Variants in DIXDC1 observed in about 807,000 individuals in gnomAD.
The protein encoded by DIXDC1 is dixin.
DIXDC1 carries 64 observed loss-of-function variants against 103.1 expected under a neutral mutation model. The ratio of observed to expected loss-of-function variants is 0.62; its 90% CI spans 0.51 to 0.76. The LOEUF (loss-of-function observed/expected upper bound fraction) is 0.76, where lower values mean the gene tolerates loss of function less well. DIXDC1 is among the 30% of genes least tolerant of loss of function. DIXDC1 has a pLI of 0.00. For missense variants in DIXDC1, 759 were observed against 834.2 expected, an observed-to-expected ratio of 0.91 and a Z score of 1.11; for synonymous variants, 266 against 298.5, an observed-to-expected ratio of 0.89 and a Z score of 1.12.
intron 1 of DIXDC1, among the ~76,000 whole-genome samples, chr11:111,937,762 C>G (rs1386652427): frequency 6.6e-6 from 1 of 152,208 alleles, no homozygotes; most frequent in Non-Finnish European, 1.5e-5. Flanking sequence ...CACAGCTAAG[C>G]TGGGCCATGA....
At chr11:111,950,032 T>G (rs1192908093) in intron 1 of DIXDC1, among the ~76,000 whole-genome samples, 63 of 152,308 alleles carry the variant, frequency 4.1e-4, no homozygotes, top group African/African-American at 9.9e-4. Context: ...GACTCAAGAA[T>G]ATGTTGACTT....
intron 7 of DIXDC1, among the ~76,000 whole-genome samples, chr11:111,984,209 G>A (rs1860414361): frequency 6.6e-6 from 1 of 152,094 alleles, no homozygotes; most frequent in African/African-American, 2.4e-5. Flanking sequence ...TGTGTGTGCA[G>A]GGGGGCTTCT....
chr11:111,984,709 A>G lies in DIXDC1; in HGVS notation c.919-523A>G, dbSNP rs1029627306. Reference sequence around the variant, plus strand: ...GGGTCAGGAGCTGAAATGAATGAGGACATCTCTCTGCAAATGTGTTTTCCT... The same window carrying G: ...GGGTCAGGAGCTGAAATGAATGAGGGCATCTCTCTGCAAATGTGTTTTCCT... On this transcript the variant is annotated intron_variant, in intron 7 of 19. Coordinates refer to ENST00000440460, the MANE Select transcript of DIXDC1 (RefSeq NM_001037954.4). Among the ~76,000 whole-genome samples, 7 of 152,228 alleles carry G rather than the reference A, an allele frequency of 4.6e-5. No individual in the cohort carries two copies. In the East Asian group the frequency reaches 1.2e-3, roughly 25 times the overall value.
Position 111,937,539 on chromosome 11 carries a change from C to T in DIXDC1, c.40C>T (p.Leu14=), listed in dbSNP as rs1966252165. The change falls in exon 1 of 20, where the codon CTG becomes TTG. Residue 14 remains leucine (L), a synonymous_variant. Transcript: ENST00000440460. ...CLTRGNLLDV[L]QEGFNEQQLQ... ...GACCCGAGGGAACTTACTGGACGTC[C>T]TGCAGGAGGGCTTCAATGAGGTAAC... 1.9e-6 allele frequency: 3 copies of T among 1,595,506 alleles called. No homozygotes were observed. Among genetic ancestry groups the T allele is most frequent in the African/African-American group, 2.7e-5 (2 of 74,606 alleles).
In DIXDC1 at chr11:112,016,729, A is replaced by G. The variant is rs1235067032; in HGVS notation, c.1795A>G (p.Thr599Ala). The change falls in exon 18 of 20, where the codon ACC becomes GCC. Residue 599 changes from threonine (T) to alanine (A), a missense_variant. Thr to Ala is a moderately conservative substitution (Grantham distance 58). Around this residue, in one of 3 missense-constraint regions of DIXDC1, gnomAD observed 657 missense variants for 727.5 expected, o/e 0.90. Coordinates refer to ENST00000440460, the MANE Select transcript of DIXDC1 (RefSeq NM_001037954.4). ...HSQSSPTVSS[T>A]CTKVLYFTDR... ...ACAGAGCTCTCCAACTGTCAGCAGC[A>G]CCTGTACTAAAGTGCTCTATTTCAC... The G allele has an allele frequency of 5.6e-6, 9 of 1,608,528 alleles. No individual in the cohort carries two copies. The African/African-American group carries it at 1.1e-4, about 19-fold the overall frequency.
intron 1 of DIXDC1, among the ~76,000 whole-genome samples, chr11:111,928,986 G>C (rs57753115): frequency 0.043 from 6,554 of 152,134 alleles, 508 homozygotes; most frequent in African/African-American, 0.15. Flanking sequence ...GACCAGCCTG[G>C]CCAACATGGT....
At chr11:112,003,996 T>TA (rs1356714117) in intron 17 of DIXDC1, among the ~76,000 whole-genome samples, 11 of 132,398 alleles carry the variant, frequency 8.3e-5, no homozygotes, top group Non-Finnish European at 1.1e-4. Flanking sequence ...CTGGGCAACA[T>TA]AAAAAAACCC....
chr11:111,936,027 G>A (rs1966176996), upstream of DIXDC1, among the ~76,000 whole-genome samples: 1 of 152,188 alleles, frequency 6.6e-6, no homozygotes. Flanking sequence ...GACCTGAAGA[G>A]GTCATTAGGT....
At chr11:111,928,367 A>AT in intron 1 of DIXDC1, 1 of 150,482 alleles carries the variant, frequency 6.6e-6, no homozygotes, top group South Asian at 2.1e-4. Flanking sequence ...CTGGCCAACA[A>AT]TGCGAAACCC....
Position 112,018,984 on chromosome 11 carries a change from G to A in DIXDC1, c.2000G>A (p.Gly667Glu), listed in dbSNP as rs995210362. The change falls in exon 20 of 20, where the codon GGA becomes GAA. Residue 667 changes from glycine (G) to glutamate (E), a missense_variant. Coordinates refer to ENST00000440460, the MANE Select transcript of DIXDC1 (RefSeq NM_001037954.4). ...TTCCATGATGATGATGCCATCCCTG[G>A]ATGGGAAGGGAAAATTGTAGCTTGG... is the stretch of plus-strand genomic sequence containing the variant. ...EIFHDDDAIPGWEGKIVAWVE... is the reference protein window; with the variant it reads ...EIFHDDDAIPEWEGKIVAWVE... 1.2e-6 allele frequency: 2 copies of A among 1,613,656 alleles called. No individual in the cohort carries two copies. The highest frequency in any genetic ancestry group is 1.7e-6 in the Non-Finnish European group (2 of 1,179,682).
intron 17 of DIXDC1, among the ~76,000 whole-genome samples, chr11:112,000,960 G>C (rs1555175930): frequency 6.6e-6 from 1 of 152,074 alleles, no homozygotes; most frequent in African/African-American, 2.4e-5. Context: ...TGACCCAAAA[G>C]AATTGAAAAC....
Position 111,977,045 on chromosome 11 carries a change from C to G in DIXDC1, c.656+2062C>G, listed in dbSNP as rs1860121121. ...GTGCGGGGCTCCCCAGCACTCAGACCACTAGAGCCCTCCTCGTGATTCTGC... is the reference window on the plus strand; with the variant it reads ...GTGCGGGGCTCCCCAGCACTCAGACGACTAGAGCCCTCCTCGTGATTCTGC... On this transcript the variant is annotated intron_variant, in intron 5 of 19. Transcript: ENST00000440460. The surrounding 1 kb of genome is among the most constrained non-coding windows in gnomAD (Gnocchi z 6.1). 6.3e-6 allele frequency: 1 copy of G among 159,556 alleles called. No individual in the cohort carries two copies. The highest frequency in any genetic ancestry group is 6.5e-5 in the Admixed American group (1 of 15,292). 9.9% of individuals were successfully genotyped at this position (159,556 alleles called of 1,614,324 possible). A position where few individuals can be genotyped will look rare whatever the true frequency, so the allele number is the denominator to read the frequency against.
chr11:111,993,515 A>G lies in DIXDC1; in HGVS notation c.1292A>G (p.Asp431Gly). 6.2e-7 allele frequency: 1 copy of G among 1,613,958 alleles called. No individual in the cohort carries two copies. The highest frequency in any genetic ancestry group is 1.1e-5 in the South Asian group (1 of 91,086). Reference sequence around the variant, plus strand: ...TTGCAGAAAGAGCTGGGGCAGAAGGATCGCCTTCTTCAGCAGCACCAGGCC... The same window carrying G: ...TTGCAGAAAGAGCTGGGGCAGAAGGGTCGCCTTCTTCAGCAGCACCAGGCC... ...GEYKKELGQK[D>G]RLLQQHQAKL... The change falls in exon 13 of 20, where the codon GAT (aspartate) becomes GGT (glycine). Residue 431 changes from aspartate (D) to glycine (G), a missense_variant. Physicochemically the swap from Asp to Gly is moderately conservative, Grantham distance 94. Coordinates refer to ENST00000440460, the MANE Select transcript of DIXDC1 (RefSeq NM_001037954.4).
chr11:112,018,541 T>G (rs900016240), intron 19 of DIXDC1, among the ~76,000 whole-genome samples: 8 of 152,236 alleles, frequency 5.3e-5, no homozygotes, highest in African/African-American at 1.9e-4. Flanking sequence ...GGAAATGAGT[T>G]GAATGAATTA....
intron 2 of DIXDC1, among the ~76,000 whole-genome samples, chr11:111,932,027 CTT>C (rs59805759): frequency 0.011 from 1,126 of 99,098 alleles, 4 homozygotes; most frequent in Middle Eastern, 0.058. Context: ...GGCAGATAAC[CTT>C]TTTTTTTTTT....
At chr11:111,992,558 A>T in intron 11 of DIXDC1, 39 bp downstream of exon 11, 1 of 1,519,450 alleles carries the variant, frequency 6.6e-7, no homozygotes, top group South Asian at 1.2e-5. Context: ...AGTGAGCCCC[A>T]TTAGCAGAAC....
chr11:112,007,618 ACT>A (rs1555176738), intron 17 of DIXDC1, among the ~76,000 whole-genome samples: 1 of 152,166 alleles, frequency 6.6e-6, no homozygotes, highest in East Asian at 1.9e-4. Flanking sequence ...CTCGACAGAA[ACT>A]CTACAAGCCA....
intron 17 of DIXDC1, chr11:112,016,015 T>A (rs1325849765): frequency 6.6e-6 from 1 of 151,610 alleles, no homozygotes; most frequent in East Asian, 2.0e-4. Flanking sequence ...TTCACCATGT[T>A]GGCCAGGCTG....
chr11:111,979,732 G>A (rs1257431033), intron 5 of DIXDC1, among the ~76,000 whole-genome samples: 1 of 152,218 alleles, frequency 6.6e-6, no homozygotes, highest in African/African-American at 2.4e-5. Context: ...TGAGGAGAGA[G>A]GATCACTTGA....
Sources: allele counts gnomAD v4.1 joint callset (sites outside exome capture counted in the v4.1 genomes callset), GRCh38; gene constraint gnomAD v4.1.1; regional missense constraint gnomAD v4.1.1; non-coding constraint Gnocchi (gnomAD v3.1); transcripts MANE v1.5; gene names NCBI Gene and HGNC (gene_info 2026-07-23, HGNC 2026-07-21).